PARD3B: variants seen among roughly 807,000 people sequenced by gnomAD.
PARD3B encodes the protein partitioning defective 3 homolog B.
A neutral mutation model predicts 130.2 loss-of-function variants in PARD3B; 103 were observed. The ratio of observed to expected loss-of-function variants is 0.79; its 90% CI spans 0.67 to 0.93. The LOEUF (loss-of-function observed/expected upper bound fraction) is 0.93, where lower values mean the gene tolerates loss of function less well. PARD3B is among the 40% of genes least tolerant of loss of function. PARD3B has a pLI of 0.00. For missense variants in PARD3B, 1,609 were observed against 1,499.2 expected, an observed-to-expected ratio of 1.07 and a Z score of -1.21; for synonymous variants, 583 against 553.2, an observed-to-expected ratio of 1.05 and a Z score of -0.76.
chr2:205,272,082 C>T (rs989538816), intron 16 of PARD3B, among the ~76,000 whole-genome samples: 9 of 151,108 alleles, frequency 6.0e-5, no homozygotes, highest in East Asian at 1.9e-4. Context: ...CGTTTGAACC[C>T]GGGAGGCAGA....
chr2:205,037,483 CTA>C (rs1459651008), intron 3 of PARD3B, among the ~76,000 whole-genome samples: 1 of 145,670 alleles, frequency 6.9e-6, no homozygotes, highest in South Asian at 2.1e-4. Flanking sequence ...ATATAGTGGA[CTA>C]TATATATAAA....
In PARD3B at chr2:205,176,317, G is replaced by A; in HGVS notation, c.1792-128G>A. The stretch of plus-strand genomic sequence containing the variant: ...GATAGGGCCATTTTGAGTTTCCACA[G>A]TTGAGGACTTAAGTGTAATAGACTC... On this transcript the variant is annotated intron_variant, in intron 12 of 22. Coordinates refer to ENST00000406610, the MANE Select transcript of PARD3B (RefSeq NM_001302769.2). This position sits in a 1 kb window ranked among gnomAD's most constrained non-coding sequence, Gnocchi z 5.3. 1 of 908,184 alleles carries A rather than the reference G, an allele frequency of 1.1e-6. No homozygotes were observed. Among genetic ancestry groups the A allele is most frequent in the South Asian group, 2.1e-5 (1 of 46,970 alleles). 56.3% of individuals were successfully genotyped at this position (908,184 alleles called of 1,614,324 possible).
rs10564722 is a variant in PARD3B, at chr2:205,473,735, A to AATAT, written c.3045-26143_3045-26140dup. 6.5e-4 allele frequency among the ~76,000 whole-genome samples: 82 copies of AATAT among 125,728 alleles called. 1 individual carries two copies. In the East Asian group the frequency reaches 8.2e-3, roughly 13 times the overall value. 82.5% of individuals were successfully genotyped at this position (125,728 alleles called of 152,430 possible). On this transcript the variant is annotated intron_variant, in intron 20 of 22. Coordinates refer to ENST00000406610, the MANE Select transcript of PARD3B (RefSeq NM_001302769.2). This position sits in a 1 kb window ranked among gnomAD's most constrained non-coding sequence, Gnocchi z 4.9. ...ACACACACACGTATATAAAACCCTA[A>AATAT]ATATATATATATATATATATAACCT...
intron 2 of PARD3B, among the ~76,000 whole-genome samples, chr2:204,770,762 C>G (rs544996154): frequency 6.6e-6 from 1 of 152,162 alleles, no homozygotes; most frequent in South Asian, 2.1e-4. Flanking sequence ...AGCTTACACC[C>G]CATCCTCTGC....
chr2:204,736,514 A>G (rs531702090), intron 2 of PARD3B, among the ~76,000 whole-genome samples: 3 of 152,156 alleles, frequency 2.0e-5, no homozygotes, highest in African/African-American at 4.8e-5. Context: ...ACTAGTGAGG[A>G]CATACAGTTT....
chr2:205,042,787 G>A (rs1306853712), intron 3 of PARD3B, among the ~76,000 whole-genome samples: 1 of 151,444 alleles, frequency 6.6e-6, no homozygotes, highest in East Asian at 1.9e-4. Context: ...TAACTTGAGA[G>A]TGGATGAACA....
At chr2:205,408,662 T>G (rs568654676) in intron 19 of PARD3B, among the ~76,000 whole-genome samples, 28 of 152,192 alleles carry the variant, frequency 1.8e-4, no homozygotes, top group Non-Finnish European at 3.7e-4. Context: ...GTTGATTTCT[T>G]TAATTTGCCA....
chr2:205,168,851 T>C (rs1420379779), intron 11 of PARD3B, among the ~76,000 whole-genome samples: 2 of 152,178 alleles, frequency 1.3e-5, no homozygotes, highest in Admixed American at 6.5e-5. Flanking sequence ...GGGCTTGTCA[T>C]TGTCATCTAT....
chr2:205,197,527 A>C (rs2036762945), intron 15 of PARD3B, among the ~76,000 whole-genome samples: 1 of 152,186 alleles, frequency 6.6e-6, no homozygotes, highest in East Asian at 1.9e-4. Context: ...ATACATTATA[A>C]GTATAATGTA....
At chr2:205,162,546 C>T (rs1217571814) in intron 11 of PARD3B, among the ~76,000 whole-genome samples, 1 of 152,244 alleles carries the variant, frequency 6.6e-6, no homozygotes, top group Non-Finnish European at 1.5e-5. Flanking sequence ...CCCTGACATA[C>T]AGTGTAGTTG....
At chr2:204,705,110 C>T (rs2038075745) in intron 2 of PARD3B, among the ~76,000 whole-genome samples, 1 of 152,172 alleles carries the variant, frequency 6.6e-6, no homozygotes, top group African/African-American at 2.4e-5. Flanking sequence ...TAATTGAAAA[C>T]TGTGCACCTA....
chr2:205,312,263 A>T (rs376760760), intron 18 of PARD3B, among the ~76,000 whole-genome samples: 120 of 152,320 alleles, frequency 7.9e-4, no homozygotes, highest in African/African-American at 2.3e-3. Flanking sequence ...ATGAAATTTT[A>T]ACACTCATTT....
intron 19 of PARD3B, among the ~76,000 whole-genome samples, chr2:205,424,802 T>G (rs1189165009): frequency 6.6e-6 from 1 of 152,160 alleles, no homozygotes; most frequent in Non-Finnish European, 1.5e-5. Flanking sequence ...CGTTTAGTTT[T>G]CAGGTATAAC....
chr2:205,358,312 A>G (rs1387827899), intron 18 of PARD3B, among the ~76,000 whole-genome samples: 1 of 152,206 alleles, frequency 6.6e-6, no homozygotes, highest in Non-Finnish European at 1.5e-5. Flanking sequence ...CTGCAGTCAC[A>G]TCTGTGAGTT....
chr2:205,512,297 C>T (rs1341009430), intron 21 of PARD3B, among the ~76,000 whole-genome samples: 2 of 152,064 alleles, frequency 1.3e-5, no homozygotes, highest in Non-Finnish European at 2.9e-5. Context: ...TGAATTTTAG[C>T]GAGGCTAACA....
At chr2:205,117,439 T>G (rs771090546) in intron 6 of PARD3B, among the ~76,000 whole-genome samples, 6 of 152,190 alleles carry the variant, frequency 3.9e-5, no homozygotes, top group Admixed American at 1.3e-4. Context: ...CAAATATCAC[T>G]GCCATGCCTG....
At chr2:205,554,152 T>G (rs2052775103) in intron 22 of PARD3B, among the ~76,000 whole-genome samples, 1 of 152,184 alleles carries the variant, frequency 6.6e-6, no homozygotes, top group Non-Finnish European at 1.5e-5. Flanking sequence ...TGAGAATTAA[T>G]GCATCCAAAA....
intron 18 of PARD3B, among the ~76,000 whole-genome samples, chr2:205,361,146 G>A: frequency 6.6e-6 from 1 of 152,124 alleles, no homozygotes; most frequent in Admixed American, 6.5e-5. Flanking sequence ...TAAAGCAAAT[G>A]GGCGTGCAAC....
intron 18 of PARD3B, among the ~76,000 whole-genome samples, chr2:205,382,381 T>C (rs2045484568): frequency 6.6e-6 from 1 of 152,120 alleles, no homozygotes; most frequent in Admixed American, 6.6e-5. Context: ...TATACTCTTC[T>C]TAGGAAGTAC....
Sources: gnomAD v4.1 joint callset for allele counts (sites outside exome capture counted in the v4.1 genomes callset) on GRCh38, gnomAD v4.1.1 for gene constraint, Gnocchi (gnomAD v3.1) non-coding constraint, MANE v1.5 for transcripts, NCBI Gene and HGNC (gene_info 2026-07-23, HGNC 2026-07-21) for gene names.